Variants in LOXL2 observed in about 807,000 individuals in gnomAD.
LOXL2 encodes the protein lysyl oxidase like 2.
In LOXL2, 70 loss-of-function variants were observed where a neutral mutation model predicts 93.0. The ratio of observed to expected loss-of-function variants is 0.75; its 90% CI spans 0.62 to 0.92. LOXL2 has a LOEUF of 0.92. Ranked by LOEUF, LOXL2 falls within the 40% of genes least tolerant of loss-of-function variation. The pLI, the probability that LOXL2 is intolerant of heterozygous loss-of-function variation, is 0.00. For missense variants in LOXL2, 973 were observed against 1,054.9 expected, an observed-to-expected ratio of 0.92 and a Z score of 1.08; for synonymous variants, 438 against 413.2, an observed-to-expected ratio of 1.06 and a Z score of -0.73.
At chr8:23,358,009 C>T (rs528138103) in intron 3 of LOXL2, among the ~76,000 whole-genome samples, 1 of 152,164 alleles carries the variant, frequency 6.6e-6, no homozygotes, top group Non-Finnish European at 1.5e-5. Context: ...ATAGCCCCTG[C>T]CCTCTGGGAG....
chr8:23,374,145 T>G (rs1350432243), intron 1 of LOXL2, among the ~76,000 whole-genome samples: 2 of 125,068 alleles, frequency 1.6e-5, no homozygotes, highest in African/African-American at 6.1e-5. Flanking sequence ...TTCCCCTTCC[T>G]GTGTCCAAGT....
At chr8:23,362,016 A>G (rs1391425043) in intron 2 of LOXL2, among the ~76,000 whole-genome samples, 3 of 152,230 alleles carry the variant, frequency 2.0e-5, no homozygotes, top group Non-Finnish European at 4.4e-5. Flanking sequence ...CATATGATCC[A>G]GCAAAAGAAT....
In LOXL2 at chr8:23,346,174, A is replaced by AAAT. The variant is rs1366769627; in HGVS notation, c.532-4974_532-4972dup. On this transcript the variant is annotated intron_variant, in intron 3 of 13. Coordinates refer to ENST00000389131, the MANE Select transcript of LOXL2 (RefSeq NM_002318.3). ...AATAAAATAAAAAATAAAATAAAAT[A>AAAT]AATAAAATAATAAAATAAAATAAAA... Among the ~76,000 whole-genome samples the AAAT allele has an allele frequency of 7.9e-3, 1,012 of 128,118 alleles. 15 individuals are homozygous for AAAT. Among genetic ancestry groups the AAAT allele is most frequent in the African/African-American group, 0.031 (952 of 30,734 alleles). The allele number at this position is 128,118 out of a possible 152,430, so 84.1% of individuals were successfully genotyped here.
At chr8:23,395,340 A>G (rs1036771952) in intron 1 of LOXL2, among the ~76,000 whole-genome samples, 2 of 151,066 alleles carry the variant, frequency 1.3e-5, no homozygotes, top group African/African-American at 4.9e-5. Context: ...AAAAAACCAC[A>G]TATTATATGA....
At chr8:23,371,941 G>T (rs535684189) in intron 1 of LOXL2, among the ~76,000 whole-genome samples, 1 of 151,858 alleles carries the variant, frequency 6.6e-6, no homozygotes, top group Admixed American at 6.6e-5. Context: ...AGGAATCATT[G>T]TAAGAACCAT....
intron 1 of LOXL2, among the ~76,000 whole-genome samples, chr8:23,402,953 TCCTCACACCCTCGCCCCGCTCCG>T (rs1410091806): frequency 3.9e-5 from 6 of 152,026 alleles, no homozygotes; most frequent in Non-Finnish European, 8.8e-5. Flanking sequence ...GGTGTTCTCT[TCCTCACACCCTCGCCCCGCTCCG>T]CCCCGCACTC....
At chr8:23,393,607 CAT>C (rs1203683665) in intron 1 of LOXL2, among the ~76,000 whole-genome samples, 1 of 152,176 alleles carries the variant, frequency 6.6e-6, no homozygotes, top group Non-Finnish European at 1.5e-5. Flanking sequence ...TAGAATAAAA[CAT>C]AGAGTACGTC....
At chr8:23,365,727 C>T (rs1281821122) in intron 2 of LOXL2, 4 of 152,264 alleles carry the variant, frequency 2.6e-5, no homozygotes, top group African/African-American at 9.7e-5. Flanking sequence ...AGAGATTGCA[C>T]CCACCCTTCA....
intron 1 of LOXL2, among the ~76,000 whole-genome samples, chr8:23,381,600 T>C (rs949941598): frequency 2.6e-5 from 4 of 152,266 alleles, no homozygotes; most frequent in African/African-American, 9.6e-5. Context: ...CCGTGCTTAC[T>C]GGCCACCTGT....
At chr8:23,396,086 G>A (rs1291482977) in intron 1 of LOXL2, among the ~76,000 whole-genome samples, 2 of 152,144 alleles carry the variant, frequency 1.3e-5, no homozygotes, top group Non-Finnish European at 2.9e-5. Flanking sequence ...CACTTTGGGA[G>A]GCTGCGGCAG....
chr8:23,376,960 G>A (rs1804605184), intron 1 of LOXL2, among the ~76,000 whole-genome samples: 1 of 152,140 alleles, frequency 6.6e-6, no homozygotes, highest in African/African-American at 2.4e-5. Flanking sequence ...TCTGATCTTA[G>A]TTATTTCTTG....
At chr8:23,386,453 TAAAC>T (rs778967218) in intron 1 of LOXL2, among the ~76,000 whole-genome samples, 1 of 152,134 alleles carries the variant, frequency 6.6e-6, no homozygotes. Context: ...TGTCTTAGAA[TAAAC>T]AAATATGTAA....
Position 23,309,737 on chromosome 8 carries a change from T to G in LOXL2, c.1811A>C (p.His604Pro). ...RRLLRFSSQIHNNGQSDFRPK... is the reference protein window; with the variant it reads ...RRLLRFSSQIPNNGQSDFRPK... ...CCGGAAGTCGGACTGGCCATTGTTG[T>G]GGATCTGGGAGGAGAAGCGCAGGAG... The change falls in exon 10 of 14, where the codon CAC becomes CCC. Residue 604 changes from histidine (H) to proline (P), a missense_variant. Coordinates refer to ENST00000389131, the MANE Select transcript of LOXL2 (RefSeq NM_002318.3). 1 of 1,597,184 alleles carries G rather than the reference T, an allele frequency of 6.3e-7. No homozygotes were observed.
chr8:23,305,091 A>C (rs1241216894), intron 10 of LOXL2, among the ~76,000 whole-genome samples: 1 of 152,178 alleles, frequency 6.6e-6, no homozygotes, highest in African/African-American at 2.4e-5. Flanking sequence ...ACTTTGAGAA[A>C]GTCTATTTTG....
intron 1 of LOXL2, among the ~76,000 whole-genome samples, chr8:23,396,152 C>T (rs1259079633): frequency 1.3e-5 from 2 of 151,946 alleles, no homozygotes; most frequent in African/African-American, 4.8e-5. Flanking sequence ...AACCCTGTCT[C>T]TACTAAAAAT....
chr8:23,333,372 A>C, intron 5 of LOXL2, 29 bp downstream of exon 5: 1 of 1,605,030 alleles, frequency 6.2e-7, no homozygotes, highest in African/African-American at 1.3e-5. Flanking sequence ...CCAGGTGCCA[A>C]GTGGCCACAC....
chr8:23,321,869 G>A (rs1245786553), intron 7 of LOXL2: 5 of 447,544 alleles, frequency 1.1e-5, no homozygotes, highest in African/African-American at 2.0e-5. Context: ...GGGCAGAGGT[G>A]AGGTAACTCA....
chr8:23,373,308 G>T lies in LOXL2; in HGVS notation c.-83-4874C>A, dbSNP rs188788332. On this transcript the variant is annotated intron_variant, in intron 1 of 13. Coordinates refer to ENST00000389131, the MANE Select transcript of LOXL2 (RefSeq NM_002318.3). ...TCTGAACTACCTGAGCCAGCGGAGG[G>T]GGGGCCTAACTTTGAATTCAGGAAG... Among the ~76,000 whole-genome samples the T allele has an allele frequency of 1.2e-3, 181 of 152,210 alleles. 2 individuals carry two copies. In the East Asian group the frequency reaches 0.019, roughly 16 times the overall value.
chr8:23,396,355 A>C (rs766804233), intron 1 of LOXL2, among the ~76,000 whole-genome samples: 8 of 147,904 alleles, frequency 5.4e-5, no homozygotes, highest in South Asian at 2.1e-4. Flanking sequence ...AACAAACAAA[A>C]AAACGAGAGA....
Sources: allele counts gnomAD v4.1 joint callset (sites outside exome capture counted in the v4.1 genomes callset), GRCh38; gene constraint gnomAD v4.1.1; transcripts MANE v1.5; gene names NCBI Gene and HGNC (gene_info 2026-07-23, HGNC 2026-07-21).